Variants in TBC1D5 observed in about 807,000 individuals in gnomAD.
TBC1D5 encodes TBC1 domain family, member 5.
A neutral mutation model predicts 100.3 loss-of-function variants in TBC1D5; 75 were observed. That is an observed-to-expected ratio of 0.75 (90% CI 0.62 to 0.91). The LOEUF is 0.91. Among genes scored for constraint, TBC1D5 ranks in the 40% least tolerant of loss-of-function variants. The probability of loss-of-function intolerance (pLI) is 0.00; values close to 1 mark genes in which losing one functional copy is unlikely to be tolerated. For missense variants in TBC1D5, 910 were observed against 942.4 expected (o/e 0.97, Z 0.45); for synonymous variants, 323 against 325.6 (o/e 0.99, Z 0.09).
At chr3:17,164,204 T>C (rs2066367813) in intron 21 of TBC1D5, among the ~76,000 whole-genome samples, 1 of 152,202 alleles carries the variant, frequency 6.6e-6, no homozygotes, top group Non-Finnish European at 1.5e-5. Context: ...GAGCAGGGCA[T>C]GTGAATTCCC....
chr3:17,463,253 T>C (rs1465118947), intron 3 of TBC1D5, among the ~76,000 whole-genome samples: 1 of 152,210 alleles, frequency 6.6e-6, no homozygotes, highest in African/African-American at 2.4e-5. Flanking sequence ...TCTACAAGCA[T>C]TCTGACAGTA....
intron 2 of TBC1D5, chr3:17,586,291 A>G (rs1048279943): frequency 4.6e-5 from 7 of 152,176 alleles, no homozygotes; most frequent in East Asian, 1.9e-4. Flanking sequence ...ACACATTACT[A>G]TGGTAAGGGT....
intron 3 of TBC1D5, among the ~76,000 whole-genome samples, chr3:17,450,151 A>G (rs1447618836): frequency 1.3e-5 from 2 of 152,214 alleles, no homozygotes; most frequent in African/African-American, 4.8e-5. Flanking sequence ...CCTGACTGTT[A>G]GAAAGTAAAC....
intron 18 of TBC1D5, among the ~76,000 whole-genome samples, chr3:17,197,385 A>C (rs1331623328): frequency 4.6e-5 from 7 of 151,288 alleles, no homozygotes; most frequent in African/African-American, 1.7e-4. Context: ...TATTATTTTT[A>C]TTACTATTTT....
intron 13 of TBC1D5, among the ~76,000 whole-genome samples, chr3:17,345,550 C>T (rs1486110526): frequency 6.6e-6 from 1 of 151,986 alleles, no homozygotes; most frequent in Non-Finnish European, 1.5e-5. Flanking sequence ...TACTATTTGA[C>T]CCAGCCATCC....
intron 9 of TBC1D5, among the ~76,000 whole-genome samples, chr3:17,377,147 A>AT (rs2092741415): frequency 6.6e-6 from 1 of 152,122 alleles, no homozygotes; most frequent in Non-Finnish European, 1.5e-5. Context: ...ATGACAGAAA[A>AT]TAAACTTGTT....
intron 1 of TBC1D5, among the ~76,000 whole-genome samples, chr3:17,630,879 C>A (rs987390896): frequency 2.3e-3 from 289 of 126,582 alleles, no homozygotes; most frequent in East Asian, 2.7e-3. Context: ...ACTAAAAATA[C>A]AAAAAAAAAA....
intron 1 of TBC1D5, among the ~76,000 whole-genome samples, chr3:17,645,688 G>C (rs1447289342): frequency 3.3e-5 from 5 of 152,000 alleles, no homozygotes; most frequent in African/African-American, 1.2e-4. Flanking sequence ...CTATAATCTA[G>C]GTACAAATCT....
At chr3:17,568,409 T>C (rs918882081) in intron 2 of TBC1D5, among the ~76,000 whole-genome samples, 33 of 151,502 alleles carry the variant, frequency 2.2e-4, no homozygotes, top group African/African-American at 7.7e-4. Context: ...TTTGTTTATA[T>C]ATTAAATATT....
At chr3:17,623,773 T>C (rs1056392369) in intron 2 of TBC1D5, 76 bp downstream of exon 2, 2 of 152,150 alleles carry the variant, frequency 1.3e-5, no homozygotes, top group Non-Finnish European at 2.9e-5. Context: ...TCCCAAAACA[T>C]AAAATTGATT....
At chr3:17,389,443 G>C (rs1297661841) in intron 8 of TBC1D5, among the ~76,000 whole-genome samples, 1 of 152,044 alleles carries the variant, frequency 6.6e-6, no homozygotes, top group African/African-American at 2.4e-5. Flanking sequence ...GTCAAAAGTG[G>C]TGGTGGAACA....
intron 2 of TBC1D5, among the ~76,000 whole-genome samples, chr3:17,565,363 T>C (rs1194994250): frequency 1.3e-5 from 2 of 152,158 alleles, no homozygotes; most frequent in Non-Finnish European, 2.9e-5. Flanking sequence ...CATTACATTT[T>C]CCTAAATATT....
At chr3:17,524,363 A>G (rs1171038354) in intron 2 of TBC1D5, among the ~76,000 whole-genome samples, 2 of 152,236 alleles carry the variant, frequency 1.3e-5, no homozygotes, top group Non-Finnish European at 2.9e-5. Context: ...GGCAATAACT[A>G]TCAAAATTAC....
chr3:17,584,135 A>G (rs1281464261), intron 2 of TBC1D5, among the ~76,000 whole-genome samples: 1 of 152,244 alleles, frequency 6.6e-6, no homozygotes, highest in Non-Finnish European at 1.5e-5. Context: ...TACAGAACAC[A>G]TTAAATCCAT....
At chr3:17,473,557 T>C (rs560388483) in intron 3 of TBC1D5, among the ~76,000 whole-genome samples, 29 of 152,330 alleles carry the variant, frequency 1.9e-4, no homozygotes, top group African/African-American at 6.3e-4. Context: ...AAAGAGGTTT[T>C]TCAACTTGTA....
At chr3:17,291,035 G>A (rs2081675671) in intron 15 of TBC1D5, among the ~76,000 whole-genome samples, 1 of 152,218 alleles carries the variant, frequency 6.6e-6, no homozygotes, top group South Asian at 2.1e-4. Context: ...ATCAGACAGA[G>A]CTTTGGCAAT....
intron 2 of TBC1D5, among the ~76,000 whole-genome samples, chr3:17,620,147 G>A (rs1026354036): frequency 3.3e-5 from 5 of 152,156 alleles, no homozygotes; most frequent in East Asian, 1.9e-4. Context: ...CCTTTTTGCC[G>A]TTGTTGTTAG....
At chr3:17,725,605 AGTAAAAGCTCCTCAGAAT>A (rs1425780363) in intron 1 of TBC1D5, among the ~76,000 whole-genome samples, 1 of 152,156 alleles carries the variant, frequency 6.6e-6, no homozygotes, top group Non-Finnish European at 1.5e-5. Flanking sequence ...TCAAAAGCAA[AGTAAAAGCTCCTCAGAAT>A]GTGGCAAATG....
chr3:17,679,979 C>T lies in TBC1D5; in HGVS notation c.-100-56066G>A, dbSNP rs369266318. Among the ~76,000 whole-genome samples, 45 of 151,548 alleles carry T rather than the reference C, an allele frequency of 3.0e-4. 4 individuals carry two copies. The highest frequency in any genetic ancestry group is 9.8e-4 in the African/African-American group (40 of 40,846). The stretch of plus-strand genomic sequence containing the variant: ...GAAAACCCCAAACCAATATGTGAAA[C>T]TTCCTTATGGAGCAGCACCAACCTT... On this transcript the variant is annotated intron_variant, in intron 1 of 21. Transcript: ENST00000253692.
Sources: allele counts gnomAD v4.1 joint callset (sites outside exome capture counted in the v4.1 genomes callset), GRCh38; gene constraint gnomAD v4.1.1; transcripts MANE v1.5; gene names NCBI Gene and HGNC (gene_info 2026-07-23, HGNC 2026-07-21).